TTC6: variants seen among roughly 807,000 people sequenced by gnomAD.
TTC6 encodes tetratricopeptide repeat protein 6.
A neutral mutation model predicts 210.4 loss-of-function variants in TTC6; 172 were observed. That is an observed-to-expected ratio of 0.82 (90% CI 0.72 to 0.93). The LOEUF (loss-of-function observed/expected upper bound fraction) is 0.93, where lower values mean the gene tolerates loss of function less well. Ranked by LOEUF, TTC6 falls within the 40% of genes least tolerant of loss-of-function variation. The probability of loss-of-function intolerance (pLI) is 0.00; values close to 1 mark genes in which losing one functional copy is unlikely to be tolerated. For synonymous variants in TTC6, 804 were observed against 819.6 expected, an observed-to-expected ratio of 0.98 and a Z score of 0.32; for missense variants, 2,414 against 2,318.1, an observed-to-expected ratio of 1.04 and a Z score of -0.85.
intron 1 of TTC6, among the ~76,000 whole-genome samples, chr14:37,655,789 CT>C (rs2095721404): frequency 6.6e-6 from 1 of 151,822 alleles, no homozygotes; most frequent in African/African-American, 2.4e-5. Flanking sequence ...TAATAGGGGT[CT>C]TTGTTACAAA....
chr14:37,613,431 G>A (rs1196522719), intron 2 of TTC6, among the ~76,000 whole-genome samples: 1 of 151,982 alleles, frequency 6.6e-6, no homozygotes, highest in Non-Finnish European at 1.5e-5. Flanking sequence ...TGCGCATAAG[G>A]AATATTAGTA....
chr14:37,699,848 A>G (rs1399804268), intron 4 of TTC6, among the ~76,000 whole-genome samples: 1 of 152,196 alleles, frequency 6.6e-6, no homozygotes, highest in Non-Finnish European at 1.5e-5. Context: ...AGCTCTCAGC[A>G]CAGAGGTAAT....
chr14:37,665,597 A>G (rs1366917629), intron 1 of TTC6, among the ~76,000 whole-genome samples: 1 of 150,504 alleles, frequency 6.6e-6, no homozygotes, highest in Non-Finnish European at 1.5e-5. Flanking sequence ...CCACCGTGGC[A>G]CGTTTACCTG....
At chr14:37,752,323 A>G (rs750852345) in intron 13 of TTC6, among the ~76,000 whole-genome samples, 66 of 152,034 alleles carry the variant, frequency 4.3e-4, no homozygotes, top group Non-Finnish European at 7.6e-4. Context: ...AATCCATGAC[A>G]TCCACTTGAC....
chr14:37,709,692 TAAAAA>T (rs10585657), intron 5 of TTC6, among the ~76,000 whole-genome samples: 1 of 126,464 alleles, frequency 7.9e-6, no homozygotes, highest in Non-Finnish European at 1.6e-5. Context: ...TCATGTTTTG[TAAAAA>T]AAAAAAAAAA....
chr14:37,596,214 G>C (rs1006848085), intron 1 of TTC6, among the ~76,000 whole-genome samples: 2 of 152,248 alleles, frequency 1.3e-5, no homozygotes, highest in East Asian at 3.9e-4. Flanking sequence ...AGCCGCTTCA[G>C]GGAGTGAGCT....
intron 14 of TTC6, among the ~76,000 whole-genome samples, chr14:37,783,367 A>G (rs1484049818): frequency 6.6e-6 from 1 of 152,040 alleles, no homozygotes; most frequent in African/African-American, 2.4e-5. Context: ...GGGAGGGTGT[A>G]TGTGTCCAGG....
At chr14:37,782,729 G>A (rs2096058230) in intron 14 of TTC6, among the ~76,000 whole-genome samples, 1 of 152,160 alleles carries the variant, frequency 6.6e-6, no homozygotes. Flanking sequence ...AATGTTTCCA[G>A]TTTTTGCCCA....
At position 37,822,431 on chromosome 14, in the gene TTC6, G is replaced by GT. The variant is rs1394147945; in HGVS notation, c.4764-1315dup. On this transcript the variant is annotated intron_variant, in intron 26 of 30. Transcript: ENST00000553443. Reference sequence around the variant, plus strand: ...TGGAACAGTTTATCCTGGGCTCCATGTATTTTATAAAGGAAAAATGGGCAA... The same window carrying GT: ...TGGAACAGTTTATCCTGGGCTCCATGTTATTTTATAAAGGAAAAATGGGCAA... Among the ~76,000 whole-genome samples the GT allele has an allele frequency of 5.3e-5, 8 of 152,102 alleles. No individual in the cohort carries two copies. In the East Asian group the frequency reaches 1.4e-3, roughly 26 times the overall value.
At chr14:37,692,538 A>G (rs1251783065) in intron 3 of TTC6, among the ~76,000 whole-genome samples, 1 of 152,142 alleles carries the variant, frequency 6.6e-6, no homozygotes, top group Non-Finnish European at 1.5e-5. Flanking sequence ...TGGGTATAGA[A>G]GGAACATAGC....
chr14:37,622,254 C>T, exon 1 of TTC6: 1 of 1,535,244 alleles, frequency 6.5e-7, no homozygotes, highest in South Asian at 1.2e-5. Flanking sequence ...CCGCCCCGCG[C>T]GCGTTTCCTG....
chr14:37,839,866 G>A (rs2096206142), intron 29 of TTC6, among the ~76,000 whole-genome samples: 2 of 152,094 alleles, frequency 1.3e-5, no homozygotes, highest in African/African-American at 4.8e-5. Flanking sequence ...TTCTGCATAT[G>A]GCTAGCCGGT....
intron 14 of TTC6, among the ~76,000 whole-genome samples, chr14:37,781,323 A>C (rs1250699711): frequency 9.9e-5 from 15 of 152,146 alleles, no homozygotes. Flanking sequence ...TTGTCATTCT[A>C]ACTGGAGTAA....
intron 9 of TTC6, among the ~76,000 whole-genome samples, 197 bp downstream of exon 11, chr14:37,737,931 G>A (rs574980960): frequency 2.5e-4 from 38 of 151,710 alleles, no homozygotes; most frequent in African/African-American, 9.2e-4. Flanking sequence ...TTGTACTTTA[G>A]TACATATCTT....
chr14:37,816,858 T>TC (rs1379555763), intron 25 of TTC6, among the ~76,000 whole-genome samples: 1 of 152,194 alleles, frequency 6.6e-6, no homozygotes, highest in African/African-American at 2.4e-5. Context: ...TCAGACACTG[T>TC]CCCTGGGGCC....
chr14:37,803,757 C>T (rs991052699), intron 20 of TTC6, among the ~76,000 whole-genome samples: 20 of 152,068 alleles, frequency 1.3e-4, no homozygotes, highest in Admixed American at 7.9e-4. Context: ...ATAGATTCAT[C>T]GAAAAGTAGA....
chr14:37,784,718 G>A (rs375618786), intron 14 of TTC6, among the ~76,000 whole-genome samples: 1 of 152,102 alleles, frequency 6.6e-6, no homozygotes, highest in Non-Finnish European at 1.5e-5. Context: ...TCCTAGCATC[G>A]ATGGTCTTTA....
intron 1 of TTC6, among the ~76,000 whole-genome samples, chr14:37,658,172 G>A (rs1224366485): frequency 6.6e-6 from 1 of 152,154 alleles, no homozygotes; most frequent in Non-Finnish European, 1.5e-5. Context: ...TAAATTTCAT[G>A]TAATTATTCT....
chr14:37,748,993 A>C (rs1318786796), exon 11 of TTC6: 1 of 1,533,866 alleles, frequency 6.5e-7, no homozygotes, highest in Non-Finnish European at 8.7e-7. Context: ...TCAAAGTTCC[A>C]TTATATGAAC....
Sources: gnomAD v4.1 joint callset for allele counts (sites outside exome capture counted in the v4.1 genomes callset) on GRCh38, gnomAD v4.1.1 for gene constraint, MANE v1.5 for transcripts, NCBI Gene and HGNC (gene_info 2026-07-23, HGNC 2026-07-21) for gene names.